Variants in PRELID3A observed in about 807,000 individuals in gnomAD.
PRELID3A encodes PRELI domain containing 3A.
PRELID3A carries 27 observed loss-of-function variants against 23.0 expected under a neutral mutation model. That is an observed-to-expected ratio of 1.17 (90% CI 0.87 to 1.62). PRELID3A has a LOEUF of 1.62. PRELID3A is among the 40% of genes most tolerant of loss of function. The probability of loss-of-function intolerance (pLI) is 0.00; values close to 1 mark genes in which losing one functional copy is unlikely to be tolerated. For synonymous variants in PRELID3A, 87 were observed against 86.4 expected (o/e 1.01, Z -0.04); for missense variants, 231 against 231.4 (o/e 1.00, Z 0.01).
rs1057014568 is a variant in PRELID3A at position 12,432,075 on chromosome 18, A to G, written c.*959A>G. ...CAACCCATGCTTATGGTTAAAAAAG[A>G]GTACAGGAGTCTGGAGTCCGTTGAA... On this transcript the variant is annotated 3_prime_UTR_variant, in exon 7 of 7. Transcript: ENST00000440960. 1 of 152,272 alleles carries G rather than the reference A, an allele frequency of 6.6e-6. No homozygotes were observed. The highest frequency in any genetic ancestry group is 2.4e-5 in the African/African-American group (1 of 41,472). 9.4% of individuals were successfully genotyped at this position (152,272 alleles called of 1,614,324 possible). A position where few individuals can be genotyped will look rare whatever the true frequency, so the allele number is the denominator to read the frequency against.
At chr18:12,422,736 T>C (rs1040907664) in intron 3 of PRELID3A, among the ~76,000 whole-genome samples, 3 of 152,192 alleles carry the variant, frequency 2.0e-5, no homozygotes, top group African/African-American at 4.8e-5. Context: ...ATTGGCCTAA[T>C]GCAAATGCAA....
At chr18:12,412,011 C>G (rs1444080058) in intron 1 of PRELID3A, among the ~76,000 whole-genome samples, 1 of 150,788 alleles carries the variant, frequency 6.6e-6, no homozygotes. Context: ...CCCGGGTTCA[C>G]GCCATTCTCC....
At chr18:12,409,358 G>A (rs554607579) in intron 1 of PRELID3A, among the ~76,000 whole-genome samples, 107 of 151,876 alleles carry the variant, frequency 7.0e-4, no homozygotes, top group Middle Eastern at 3.4e-3. Context: ...GTAGAAACAG[G>A]GTTTCGCCAT....
At chr18:12,428,017 A>C (rs559486043) in intron 5 of PRELID3A, among the ~76,000 whole-genome samples, 3 of 152,350 alleles carry the variant, frequency 2.0e-5, no homozygotes, top group African/African-American at 7.2e-5. Flanking sequence ...CAGGTAGGCT[A>C]TTCAGGACTT....
At position 12,421,561 on chromosome 18, in the gene PRELID3A, T is replaced by C; in HGVS notation, c.223T>C (p.Leu75=). The C allele has an allele frequency of 6.2e-7, 1 of 1,613,694 alleles. No individual in the cohort carries two copies. The highest frequency in any genetic ancestry group is 8.5e-7 in the Non-Finnish European group (1 of 1,179,560). The change falls in exon 3 of 7, where the codon TTG becomes CTG. Residue 75 remains leucine, a synonymous_variant. Transcript: ENST00000440960. The stretch of plus-strand genomic sequence containing the variant: ...CTAGATTTTGGGAACCAGTAGGACA[T>C]TGACATACATCCGAGAACATTCTGT... ...VRAILGTSRT[L]TYIREHSVVD...
chr18:12,416,771 G>A (rs568396947), intron 1 of PRELID3A, among the ~76,000 whole-genome samples: 4 of 151,160 alleles, frequency 2.6e-5, no homozygotes, highest in South Asian at 2.1e-4. Context: ...TCAGCCTCCC[G>A]AGTAGCTGGG....
chr18:12,410,720 A>G (rs190578151), intron 1 of PRELID3A: 3 of 151,598 alleles, frequency 2.0e-5, no homozygotes, highest in Non-Finnish European at 4.4e-5. Context: ...TTTTTGAGGC[A>G]GAATCTTGCT....
chr18:12,429,462 G>C (rs2030494809), intron 6 of PRELID3A, 26 bp downstream of exon 6: 5 of 1,481,946 alleles, frequency 3.4e-6, no homozygotes, highest in Admixed American at 1.7e-5. Flanking sequence ...ACTCACCTGG[G>C]GGGGTACTTG....
intron 3 of PRELID3A, among the ~76,000 whole-genome samples, chr18:12,422,083 G>T (rs957829936): frequency 9.2e-5 from 14 of 151,616 alleles, no homozygotes; most frequent in African/African-American, 3.4e-4. Flanking sequence ...GGGACCACAG[G>T]CACGTGCCAC....
At chr18:12,419,959 C>A (rs1416081438) in intron 1 of PRELID3A, 5 of 255,910 alleles carry the variant, frequency 2.0e-5, no homozygotes, top group Non-Finnish European at 3.6e-5. Flanking sequence ...TTTGGTGGCA[C>A]ACGCCTGTAG....
At chr18:12,430,255 C>T (rs1233505200) in intron 6 of PRELID3A, among the ~76,000 whole-genome samples, 2 of 152,174 alleles carry the variant, frequency 1.3e-5, no homozygotes, top group East Asian at 3.9e-4. Flanking sequence ...CCTTGCCTGG[C>T]ATCCTGTATC....
chr18:12,416,698 T>A (rs1213882144), intron 1 of PRELID3A, among the ~76,000 whole-genome samples: 1 of 149,732 alleles, frequency 6.7e-6, no homozygotes, highest in Non-Finnish European at 1.5e-5. Flanking sequence ...CAGGGTGGAG[T>A]GCAGTGGCAT....
At chr18:12,429,542 CT>C in intron 6 of PRELID3A, 106 bp downstream of exon 6, 2 of 663,158 alleles carry the variant, frequency 3.0e-6, no homozygotes, top group Non-Finnish European at 5.2e-6. Flanking sequence ...CTGCTGGTGG[CT>C]CTCCAGCCCG....
chr18:12,428,657 T>C (rs966282579), intron 5 of PRELID3A, among the ~76,000 whole-genome samples: 3 of 152,204 alleles, frequency 2.0e-5, no homozygotes, highest in Non-Finnish European at 4.4e-5. Context: ...TTTGAGCAGC[T>C]TAGCTCAGTT....
intron 2 of PRELID3A, chr18:12,421,299 A>T: frequency 2.0e-6 from 1 of 489,852 alleles, no homozygotes; most frequent in Non-Finnish European, 3.6e-6. Context: ...AGCCTGTTTT[A>T]TTTTGCCGGG....
chr18:12,422,647 G>A (rs547624963), intron 3 of PRELID3A, among the ~76,000 whole-genome samples: 11 of 152,020 alleles, frequency 7.2e-5, no homozygotes, highest in Admixed American at 1.3e-4. Context: ...GTGAGCCACC[G>A]CACCTGGCCC....
chr18:12,416,647 CT>C (rs33927481), intron 1 of PRELID3A, among the ~76,000 whole-genome samples: 18,153 of 133,040 alleles, frequency 0.14, 2,569 homozygotes, highest in African/African-American at 0.38. Flanking sequence ...TTCTTTCTTT[CT>C]TTTTTTTTTT....
chr18:12,429,373 A>G lies in PRELID3A; in HGVS notation c.489A>G (p.Ile163Met), dbSNP rs1416176661. The change falls in exon 6 of 7, where the codon ATA (isoleucine) becomes ATG (methionine). Residue 163 changes from isoleucine to methionine, a missense_variant. Coordinates refer to ENST00000440960, the MANE Select transcript of PRELID3A (RefSeq NM_001142405.2). ...AKKGWAAIEWIIEHSESAVS is the reference protein window; with the variant it reads ...AKKGWAAIEWMIEHSESAVS Reference sequence around the variant, plus strand: ...AGGGGTGGGCTGCTATCGAGTGGATAATTGAACACTCTGAAAGCGCTGTGA... The same window carrying G: ...AGGGGTGGGCTGCTATCGAGTGGATGATTGAACACTCTGAAAGCGCTGTGA... The G allele has an allele frequency of 1.2e-6, 2 of 1,613,710 alleles. No individual in the cohort carries two copies. The highest frequency in any genetic ancestry group is 1.7e-6 in the Non-Finnish European group (2 of 1,180,008).
At chr18:12,428,717 T>C (rs950123864) in intron 5 of PRELID3A, among the ~76,000 whole-genome samples, 4 of 152,220 alleles carry the variant, frequency 2.6e-5, no homozygotes, top group African/African-American at 9.7e-5. Flanking sequence ...TTGTCCATGC[T>C]GGAGGAAGGA....
Sources: gnomAD v4.1 joint callset for allele counts (sites outside exome capture counted in the v4.1 genomes callset) on GRCh38, gnomAD v4.1.1 for gene constraint, MANE v1.5 for transcripts, NCBI Gene and HGNC (gene_info 2026-07-23, HGNC 2026-07-21) for gene names.